AGAP1: variants seen among roughly 807,000 people sequenced by gnomAD.
AGAP1 encodes the protein arf-GAP with GTPase, ANK repeat and PH domain-containing protein 1.
AGAP1 carries 29 observed loss-of-function variants against 105.3 expected under a neutral mutation model. The observed-to-expected ratio is 0.28, with a 90% CI of 0.21 to 0.38. The LOEUF is 0.38. Among genes scored for constraint, AGAP1 ranks in the 10% least tolerant of loss-of-function variants. The pLI is 1.00. For missense variants in AGAP1, 998 were observed against 1,165.1 expected (o/e 0.86, Z 2.09); for synonymous variants, 509 against 485.9 (o/e 1.05, Z -0.63).
intron 9 of AGAP1, among the ~76,000 whole-genome samples, chr2:235,847,641 C>T (rs1961659686): frequency 1.3e-5 from 2 of 152,230 alleles, no homozygotes; most frequent in African/African-American, 4.8e-5. Context: ...TCAAGCAGTA[C>T]AGCTGGTGTT....
intron 16 of AGAP1, among the ~76,000 whole-genome samples, chr2:236,060,306 G>A (rs2058156446): frequency 6.6e-6 from 1 of 152,156 alleles, no homozygotes; most frequent in Non-Finnish European, 1.5e-5. Context: ...TGCTTCAAAG[G>A]GCAGTGTCAG....
At chr2:235,911,440 C>T (rs1315754589) in intron 11 of AGAP1, among the ~76,000 whole-genome samples, 2 of 152,160 alleles carry the variant, frequency 1.3e-5, no homozygotes, top group African/African-American at 4.8e-5. Context: ...ATTTGCCAGG[C>T]ACACAGATAT....
chr2:235,922,397 C>T (rs1335178356), intron 11 of AGAP1, among the ~76,000 whole-genome samples: 2 of 152,172 alleles, frequency 1.3e-5, no homozygotes, highest in Non-Finnish European at 2.9e-5. Flanking sequence ...ATGAAAGTTC[C>T]TATCGCCATC....
Position 235,964,596 on chromosome 2 carries a change from A to G in AGAP1, c.1484-3866A>G, listed in dbSNP as rs1415067411. Among the ~76,000 whole-genome samples, 1 of 152,204 alleles carries G rather than the reference A, an allele frequency of 6.6e-6. No individual in the cohort carries two copies. The highest frequency in any genetic ancestry group is 1.5e-5 in the Non-Finnish European group (1 of 68,020). ...CAGGTAATGATCTTGGGGTCTCTGGATGCCCCACCCCCTGAACGTTATGAG... is the reference window on the plus strand; with the variant it reads ...CAGGTAATGATCTTGGGGTCTCTGGGTGCCCCACCCCCTGAACGTTATGAG... On this transcript the variant is annotated intron_variant, in intron 12 of 17. Coordinates refer to ENST00000304032, the MANE Select transcript of AGAP1 (RefSeq NM_001037131.3). This position sits in a 1 kb window ranked among gnomAD's most constrained non-coding sequence, Gnocchi z 4.6.
At chr2:235,798,306 A>G (rs1287619135) in intron 7 of AGAP1, among the ~76,000 whole-genome samples, 1 of 152,224 alleles carries the variant, frequency 6.6e-6, no homozygotes, top group African/African-American at 2.4e-5. Context: ...GTCCCATAGA[A>G]ACTGCTATCT....
intron 1 of AGAP1, among the ~76,000 whole-genome samples, chr2:235,525,412 C>G (rs1942793103): frequency 6.8e-6 from 1 of 146,542 alleles, no homozygotes; most frequent in South Asian, 2.1e-4. Context: ...ATGTGGAGGA[C>G]TGATTTATAA....
At chr2:235,809,504 C>T (rs1384899093) in intron 9 of AGAP1, among the ~76,000 whole-genome samples, 4 of 152,042 alleles carry the variant, frequency 2.6e-5, no homozygotes, top group South Asian at 2.1e-4. Flanking sequence ...TCGGGTGCCT[C>T]GTCTGTAAAA....
rs1452741300 is a variant in AGAP1 at position 236,080,092 on chromosome 2, T to C, written c.2114+30811T>C. 6.6e-6 allele frequency among the ~76,000 whole-genome samples: 1 copy of C among 152,192 alleles called. No individual in the cohort carries two copies. The highest frequency in any genetic ancestry group is 1.5e-5 in the Non-Finnish European group (1 of 68,034). ...GCATCCGCACACATCAAGGGCTGCA[T>C]TGCAGGAGAGGAACCCTAAGCTTAG... On this transcript the variant is annotated intron_variant, in intron 16 of 17. Transcript: ENST00000304032. The surrounding 1 kb of genome is among the most constrained non-coding windows in gnomAD (Gnocchi z 4.2).
chr2:235,510,658 G>A (rs1041570267), intron 1 of AGAP1, among the ~76,000 whole-genome samples: 3 of 152,142 alleles, frequency 2.0e-5, no homozygotes, highest in Middle Eastern at 3.2e-3. Context: ...CTCTCCCGCC[G>A]GCAGTGTGAG....
intron 16 of AGAP1, among the ~76,000 whole-genome samples, chr2:236,102,359 A>G (rs886696690): frequency 6.8e-6 from 1 of 146,538 alleles, no homozygotes; most frequent in Non-Finnish European, 1.5e-5. Flanking sequence ...CAGAGCTTGC[A>G]TTGAGGCGAG....
chr2:235,536,999 T>C (rs1943259831), intron 1 of AGAP1, among the ~76,000 whole-genome samples: 1 of 152,164 alleles, frequency 6.6e-6, no homozygotes, highest in South Asian at 2.1e-4. Flanking sequence ...TGCGTGCATT[T>C]ATTCATTCCT....
Position 235,994,077 on chromosome 2 carries a change from G to A in AGAP1, c.1645+25454G>A, listed in dbSNP as rs1351329580. The stretch of plus-strand genomic sequence containing the variant: ...CCTTCCCCTGGGACCCCCATTGGCT[G>A]TGTGTCCCCCAGCTTCTAATTCCTC... On this transcript the variant is annotated intron_variant, in intron 13 of 17. Transcript: ENST00000304032. This position sits in a 1 kb window ranked among gnomAD's most constrained non-coding sequence, Gnocchi z 4.4. 2.6e-5 allele frequency among the ~76,000 whole-genome samples: 4 copies of A among 152,132 alleles called. No individual in the cohort carries two copies. Among genetic ancestry groups the A allele is most frequent in the East Asian group, 1.9e-4 (1 of 5,194 alleles).
chr2:236,114,575 T>G lies in AGAP1; in HGVS notation c.2115-5617T>G, dbSNP rs1270903792. Among the ~76,000 whole-genome samples the G allele has an allele frequency of 6.6e-6, 1 of 152,156 alleles. No individual in the cohort carries two copies. Among genetic ancestry groups the G allele is most frequent in the Admixed American group, 6.5e-5 (1 of 15,276 alleles). ...AGGGTGCCCGCAGGGTTGGTTCTGG[T>G]GAGACCTCTCTCCCTGGCTGACAGA... On this transcript the variant is annotated intron_variant, in intron 16 of 17. Coordinates refer to ENST00000304032, the MANE Select transcript of AGAP1 (RefSeq NM_001037131.3). The surrounding 1 kb of genome is among the most constrained non-coding windows in gnomAD (Gnocchi z 5.0).
intron 13 of AGAP1, among the ~76,000 whole-genome samples, chr2:236,029,346 G>C (rs1456460418): frequency 6.6e-6 from 1 of 151,610 alleles, no homozygotes; most frequent in African/African-American, 2.4e-5. Flanking sequence ...CGTGATCTCG[G>C]CTCACTGCAA....
At chr2:235,812,957 G>A (rs1958239618) in intron 9 of AGAP1, among the ~76,000 whole-genome samples, 1 of 152,226 alleles carries the variant, frequency 6.6e-6, no homozygotes, top group Admixed American at 6.5e-5. Context: ...GACCTCACTT[G>A]GGTGAACAAC....
At chr2:236,031,149 T>C (rs1032052373) in intron 13 of AGAP1, among the ~76,000 whole-genome samples, 1 of 152,128 alleles carries the variant, frequency 6.6e-6, no homozygotes. Flanking sequence ...ATTGGAGATA[T>C]ATGTATGAGA....
At chr2:235,980,517 C>T (rs1397471604) in intron 13 of AGAP1, among the ~76,000 whole-genome samples, 1 of 152,184 alleles carries the variant, frequency 6.6e-6, no homozygotes, top group Non-Finnish European at 1.5e-5. Flanking sequence ...TAAGATATCT[C>T]ACCGCATTTG....
intron 1 of AGAP1, among the ~76,000 whole-genome samples, chr2:235,652,028 A>G (rs144716707): frequency 1.8e-4 from 28 of 152,170 alleles, no homozygotes; most frequent in Non-Finnish European, 3.4e-4. Flanking sequence ...GACTTTTTTG[A>G]TGGTTATAAT....
rs1949779081 is a variant in AGAP1 at position 235,692,453 on chromosome 2, A to G, written c.164-16726A>G. 6.6e-6 allele frequency among the ~76,000 whole-genome samples: 1 copy of G among 152,112 alleles called. No homozygotes were observed. The highest frequency in any genetic ancestry group is 1.9e-4 in the East Asian group (1 of 5,192). ...GCTAGAAAATGTGACCCATGTTGCC[A>G]ACTCCCAAAAGCCACCAGGTGACTT... On this transcript the variant is annotated intron_variant, in intron 1 of 17. Transcript: ENST00000304032. This position sits in a 1 kb window ranked among gnomAD's most constrained non-coding sequence, Gnocchi z 5.8.
Sources: gnomAD v4.1 joint callset for allele counts (sites outside exome capture counted in the v4.1 genomes callset) on GRCh38, gnomAD v4.1.1 for gene constraint, Gnocchi (gnomAD v3.1) non-coding constraint, MANE v1.5 for transcripts, NCBI Gene and HGNC (gene_info 2026-07-23, HGNC 2026-07-21) for gene names.